MYO1C: variants seen among roughly 807,000 people sequenced by gnomAD.
The protein encoded by MYO1C is myosin IC.
Under a neutral mutation model 150.8 loss-of-function variants are expected in MYO1C, and 104 were observed. That is an observed-to-expected ratio of 0.69 (90% CI 0.59 to 0.81). The LOEUF is 0.81. Ranked by LOEUF, MYO1C falls within the 30% of genes least tolerant of loss-of-function variation. MYO1C has a pLI of 0.00. For missense variants in MYO1C, 1,504 were observed against 1,435.0 expected, an observed-to-expected ratio of 1.05 and a Z score of -0.78; for synonymous variants, 663 against 579.9, an observed-to-expected ratio of 1.14 and a Z score of -2.06.
chr17:1,467,399 T>C (rs2074196017), intron 30 of MYO1C, 58 bp from the exon 31 acceptor site: 1 of 1,594,092 alleles, frequency 6.3e-7, no homozygotes, highest in Non-Finnish European at 8.5e-7. Flanking sequence ...AACCCTAAGG[T>C]GGACCCCCAC....
At chr17:1,470,026 CAAA>C in intron 24 of MYO1C, 146 bp downstream of exon 24, 1 of 741,134 alleles carries the variant, frequency 1.3e-6, no homozygotes, top group Non-Finnish European at 2.0e-6. Context: ...GACTCCATCT[CAAA>C]AAAAAAAGAG....
At position 1,467,836 on chromosome 17, in the gene MYO1C, G is replaced by A. The variant is rs765510565; in HGVS notation, c.2967+4C>T. On this transcript the variant is annotated splice_donor_region_variant and intron_variant, in intron 29 of 31. Transcript: ENST00000648651. Reference sequence around the variant, plus strand: ...ACCACTCCTCCCCATCCATGAAAAGGCACCTTTTGCTTATTGTCCGCACGC... The same window carrying A: ...ACCACTCCTCCCCATCCATGAAAAGACACCTTTTGCTTATTGTCCGCACGC... 22 of 1,547,842 alleles carry A rather than the reference G, an allele frequency of 1.4e-5. No homozygotes were observed. The Admixed American group carries it at 3.9e-4, about 27-fold the overall frequency.
At chr17:1,486,355 C>T (rs1299179138) in intron 1 of MYO1C, among the ~76,000 whole-genome samples, 1 of 152,132 alleles carries the variant, frequency 6.6e-6, no homozygotes, top group African/African-American at 2.4e-5. Context: ...CCAACGGGTG[C>T]CCTGGCCGAG....
At chr17:1,471,029 G>A (rs759345620) in intron 21 of MYO1C, 42 bp downstream of exon 21, 2 of 1,600,232 alleles carry the variant, frequency 1.2e-6, no homozygotes, top group South Asian at 1.1e-5. Flanking sequence ...CTGCTTCCCA[G>A]AAGGGACCCC....
At position 1,480,778 on chromosome 17, in the gene MYO1C, C is replaced by A; in HGVS notation, c.735G>T (p.Glu245Asp). The A allele has an allele frequency of 6.2e-7, 1 of 1,614,188 alleles. No individual in the cohort carries two copies. Among genetic ancestry groups the A allele is most frequent in the Non-Finnish European group, 8.5e-7 (1 of 1,180,028 alleles). The change falls in exon 6 of 32, where the codon GAG (glutamate) becomes GAT (aspartate). Residue 245 changes from glutamate to aspartate, a missense_variant. Physicochemically the swap from Glu to Asp is conservative, Grantham distance 45. Transcript: ENST00000648651. ...RNFHIFYQLL[E>D]GGEEETLRRL... is the part of the protein sequence containing the mutation. ...TGCGAAGAGTCTCCTCCTCGCCCCC[C>A]TCCAGCAGCTGGTAGAAGATGTGGA...
In MYO1C at chr17:1,485,300, G is replaced by C. The variant is rs546383565; in HGVS notation, c.76-997C>G. 4.2e-5 allele frequency: 47 copies of C among 1,113,374 alleles called. No homozygotes were observed. In the South Asian group the frequency reaches 9.0e-4, roughly 21 times the overall value. 69.0% of individuals were successfully genotyped at this position (1,113,374 alleles called of 1,614,324 possible). ...AGAGAAGAACAAGGTGGTGGTGATT[G>C]GGGGTGGATCCCAAAGGGGCCGCCG... is the stretch of plus-strand genomic sequence containing the variant. On this transcript the variant is annotated intron_variant, in intron 1 of 31. Coordinates refer to ENST00000648651, the MANE Select transcript of MYO1C (RefSeq NM_001080779.2).
At position 1,470,537 on chromosome 17, in the gene MYO1C, G is replaced by A. The variant is rs1266990946; in HGVS notation, c.2282-18C>T. ...GCAGATGGCTGTCGTGGAGACCACA[G>A]ATGGCTGAACTCTATCTTCTTACCA... On this transcript the variant is annotated intron_variant, in intron 22 of 31. Coordinates refer to ENST00000648651, the MANE Select transcript of MYO1C (RefSeq NM_001080779.2). 1.3e-6 allele frequency: 2 copies of A among 1,557,176 alleles called. No homozygotes were observed. Among genetic ancestry groups the A allele is most frequent in the South Asian group, 2.4e-5 (2 of 84,936 alleles).
Position 1,478,401 on chromosome 17 carries a change from G to A in MYO1C, c.1295+9C>T, listed in dbSNP as rs776334729. The A allele has an allele frequency of 6.2e-6, 10 of 1,613,966 alleles. No individual in the cohort carries two copies. The highest frequency in any genetic ancestry group is 8.5e-6 in the Non-Finnish European group (10 of 1,179,976). On this transcript the variant is annotated intron_variant, in intron 11 of 31. Coordinates refer to ENST00000648651, the MANE Select transcript of MYO1C (RefSeq NM_001080779.2). The surrounding 1 kb of genome is among the most constrained non-coding windows in gnomAD (Gnocchi z 6.3). ...CCGGGAGGAGAGACGGGGGAAAGAT[G>A]GCACCGACCTGTTATGCTGAAACAC...
chr17:1,472,023 G>T lies in MYO1C; in HGVS notation c.1905C>A (p.Gly635=), dbSNP rs1279748090. ...CIKPNDAKQP[G]RFDEVLIRHQ... is the part of the protein sequence containing the mutation. ...GGCGGATCAGCACCTCGTCAAAGCG[G>T]CCTGGGGTAGGGGGAGCGCCGTGGT... is the stretch of plus-strand genomic sequence containing the variant. Residue 635 remains glycine, a splice_region_variant and synonymous_variant, in exon 19 of 32, where the codon GGC becomes GGA. Coordinates refer to ENST00000648651, the MANE Select transcript of MYO1C (RefSeq NM_001080779.2). The T allele has an allele frequency of 1.2e-6, 2 of 1,613,866 alleles. No homozygotes were observed. The highest frequency in any genetic ancestry group is 2.2e-5 in the East Asian group (1 of 44,894).
At position 1,478,176 on chromosome 17, in the gene MYO1C, T is replaced by C; in HGVS notation, c.1312A>G (p.Ile438Val). 6.2e-7 allele frequency: 1 copy of C among 1,613,852 alleles called. No individual in the cohort carries two copies. Among genetic ancestry groups the C allele is most frequent in the Non-Finnish European group, 8.5e-7 (1 of 1,180,008 alleles). The change falls in exon 12 of 32, where the codon ATC becomes GTC. Residue 438 changes from isoleucine (I) to valine (V), a missense_variant. Physicochemically the swap from Ile to Val is conservative, Grantham distance 29. Transcript: ENST00000648651. This position sits in a 1 kb window ranked among gnomAD's most constrained non-coding sequence, Gnocchi z 6.3. The stretch of plus-strand genomic sequence containing the variant: ...TGCAGCTTCTCGTTGCAGTAATTGA[T>C]GCAGAACTGCTCAAAGCTGTAAGGA... ...FQHNSFEQFC[I>V]NYCNEKLQQL...
chr17:1,472,296 AC>A, intron 17 of MYO1C, 68 bp from the exon 18 acceptor site: 1 of 1,381,062 alleles, frequency 7.2e-7, no homozygotes, highest in Non-Finnish European at 1.0e-6. Flanking sequence ...AGCAGCGAGT[AC>A]CCCACTCCCC....
At position 1,484,394 on chromosome 17, in the gene MYO1C, G is replaced by C. The variant is rs1055588036; in HGVS notation, c.76-91C>G. 14 of 1,489,090 alleles carry C rather than the reference G, an allele frequency of 9.4e-6. No homozygotes were observed. In the African/African-American group the frequency reaches 1.2e-4, roughly 13 times the overall value. 92.2% of individuals were successfully genotyped at this position (1,489,090 alleles called of 1,614,324 possible). A position where few individuals can be genotyped will look rare whatever the true frequency, so the allele number is the denominator to read the frequency against. On this transcript the variant is annotated intron_variant, in intron 1 of 31. Coordinates refer to ENST00000648651, the MANE Select transcript of MYO1C (RefSeq NM_001080779.2). ...GCCTGTGGGACTGAGAGGGAACGTA[G>C]GGGCTTGTGGACTCCGGGCTAGACA...
chr17:1,467,698 TCCA>T, intron 29 of MYO1C, 121 bp from the exon 30 acceptor site: 1 of 343,378 alleles, frequency 2.9e-6, no homozygotes, highest in Non-Finnish European at 4.3e-6. Flanking sequence ...CACCTCCCCA[TCCA>T]CCTCCTGACC....
At position 1,492,598 on chromosome 17, in the gene MYO1C, G is replaced by A. The variant is rs765769167; in HGVS notation, c.-111C>T. The A allele has an allele frequency of 1.0e-6, 1 of 991,782 alleles. No homozygotes were observed. Among genetic ancestry groups the A allele is most frequent in the Admixed American group, 2.0e-5 (1 of 50,096 alleles). The allele number at this position is 991,782 out of a possible 1,614,324, so 61.4% of individuals were successfully genotyped here. On this transcript the variant is annotated 5_prime_UTR_variant, in exon 1 of 32. Transcript: ENST00000648651. ...GACCAGGAACCTACGGTCTAACGCC[G>A]GGATGGCCACTTGGTTCTGCTTCAA...
In MYO1C at chr17:1,469,625, G is replaced by C. The variant is rs1429101913; in HGVS notation, c.2527-11C>G. 1.2e-6 allele frequency: 2 copies of C among 1,604,000 alleles called. No individual in the cohort carries two copies. The highest frequency in any genetic ancestry group is 1.7e-6 in the Non-Finnish European group (2 of 1,172,946). On this transcript the variant is annotated splice_polypyrimidine_tract_variant and intron_variant, in intron 24 of 31. Transcript: ENST00000648651. ...CAGAAGCTCTGAGGCCTAAGGGGAG[G>C]AGTGAGGTCAGAGGTCCTGGACACC...
intron 20 of MYO1C, 32 bp downstream of exon 20, chr17:1,471,191 C>T (rs769982200): frequency 6.8e-6 from 11 of 1,613,724 alleles, no homozygotes; most frequent in East Asian, 4.5e-5. Context: ...CACTCCCATT[C>T]CCCGCAGGCA....
At chr17:1,466,760 G>C (rs1302460028) in intron 31 of MYO1C, among the ~76,000 whole-genome samples, 1 of 151,894 alleles carries the variant, frequency 6.6e-6, no homozygotes, top group African/African-American at 2.4e-5. Context: ...ACTAGTAGCT[G>C]GTATTACAGG....
chr17:1,479,752 G>A lies in MYO1C; in HGVS notation c.907-47C>T. 7.0e-7 allele frequency: 1 copy of A among 1,424,010 alleles called. No individual in the cohort carries two copies. Among genetic ancestry groups the A allele is most frequent in the Non-Finnish European group, 9.8e-7 (1 of 1,025,366 alleles). 88.2% of individuals were successfully genotyped at this position (1,424,010 alleles called of 1,614,324 possible). On this transcript the variant is annotated intron_variant, in intron 7 of 31. Transcript: ENST00000648651. This position sits in a 1 kb window ranked among gnomAD's most constrained non-coding sequence, Gnocchi z 4.2. ...AGGAGGGGGTGAGAGGGGCCAGAGA[G>A]CCCCAAGAGGGCAACTAGCAGATGG...
chr17:1,471,644 C>T (rs898619329), intron 19 of MYO1C, among the ~76,000 whole-genome samples: 7 of 152,210 alleles, frequency 4.6e-5, no homozygotes, highest in African/African-American at 1.2e-4. Context: ...TGCTGTCTGC[C>T]TCTGGTGCCC....
Sources: gnomAD v4.1 joint callset for allele counts (sites outside exome capture counted in the v4.1 genomes callset) on GRCh38, gnomAD v4.1.1 for gene constraint, Gnocchi (gnomAD v3.1) non-coding constraint, MANE v1.5 for transcripts, NCBI Gene and HGNC (gene_info 2026-07-23, HGNC 2026-07-21) for gene names.